CACNA2D1: variants seen among roughly 807,000 people sequenced by gnomAD.
The protein encoded by CACNA2D1 is voltage-dependent calcium channel subunit alpha-2/delta-1.
Under a neutral mutation model 171.5 loss-of-function variants are expected in CACNA2D1, and 53 were observed. The observed-to-expected ratio is 0.31, with a 90% CI of 0.25 to 0.39. The LOEUF is 0.39. CACNA2D1 is among the 10% of genes least tolerant of loss of function. CACNA2D1 has a pLI of 1.00. For missense variants in CACNA2D1, 903 were observed against 1,299.8 expected, an observed-to-expected ratio of 0.69 and a Z score of 4.69; for synonymous variants, 442 against 443.1, an observed-to-expected ratio of 1.00 and a Z score of 0.03.
At chr7:82,322,147 A>AAAAAAC (rs1816036919) in intron 3 of CACNA2D1, among the ~76,000 whole-genome samples, 1 of 149,634 alleles carries the variant, frequency 6.7e-6, no homozygotes, top group African/African-American at 2.4e-5. Flanking sequence ...AAAAAAAAAA[A>AAAAAAC]AAAAAAACAA....
chr7:82,376,550 G>A (rs563433315), intron 1 of CACNA2D1, among the ~76,000 whole-genome samples: 2 of 152,294 alleles, frequency 1.3e-5, no homozygotes, highest in South Asian at 4.1e-4. Context: ...GGTCAGCAAT[G>A]ATTAAACTCT....
At chr7:82,101,342 A>G (rs952099334) in intron 6 of CACNA2D1, among the ~76,000 whole-genome samples, 4 of 152,118 alleles carry the variant, frequency 2.6e-5, no homozygotes, top group Non-Finnish European at 1.5e-5. Context: ...TGGCATGGCC[A>G]AAGTCTTGGG....
intron 1 of CACNA2D1, among the ~76,000 whole-genome samples, chr7:82,413,921 G>A (rs1306795816): frequency 6.6e-6 from 1 of 152,022 alleles, no homozygotes; most frequent in East Asian, 1.9e-4. Flanking sequence ...ATACTATCCT[G>A]AATAAAAGTT....
intron 1 of CACNA2D1, among the ~76,000 whole-genome samples, chr7:82,364,775 T>C (rs1156915978): frequency 6.6e-6 from 1 of 152,200 alleles, no homozygotes; most frequent in Admixed American, 6.5e-5. Flanking sequence ...AGGTTTCTAA[T>C]TGCCATCCCA....
chr7:82,184,336 C>A (rs1325302552), intron 3 of CACNA2D1, among the ~76,000 whole-genome samples: 1 of 151,844 alleles, frequency 6.6e-6, no homozygotes, highest in Non-Finnish European at 1.5e-5. Flanking sequence ...TATAAATTTA[C>A]TTGGTTTCTT....
At chr7:82,193,880 C>T (rs1397097742) in intron 3 of CACNA2D1, among the ~76,000 whole-genome samples, 1 of 151,922 alleles carries the variant, frequency 6.6e-6, no homozygotes, top group Non-Finnish European at 1.5e-5. Flanking sequence ...CAAATAATGG[C>T]TTTCAAAACA....
chr7:82,237,302 G>C (rs1803705535), intron 3 of CACNA2D1, among the ~76,000 whole-genome samples: 1 of 151,830 alleles, frequency 6.6e-6, no homozygotes, highest in Non-Finnish European at 1.5e-5. Flanking sequence ...GAAATAAAAA[G>C]ACAGTCTAAT....
intron 3 of CACNA2D1, among the ~76,000 whole-genome samples, chr7:82,317,078 G>A (rs757630544): frequency 2.0e-5 from 3 of 152,134 alleles, no homozygotes; most frequent in Admixed American, 1.3e-4. Flanking sequence ...TCTTTCACTG[G>A]TTAATGTTAG....
At chr7:82,438,448 G>A (rs1011942211) in intron 1 of CACNA2D1, among the ~76,000 whole-genome samples, 5 of 152,136 alleles carry the variant, frequency 3.3e-5, no homozygotes, top group African/African-American at 7.2e-5. Context: ...CAAGGAAAAG[G>A]TAGTAACATA....
intron 3 of CACNA2D1, among the ~76,000 whole-genome samples, chr7:82,231,125 T>C (rs1252647218): frequency 6.6e-6 from 1 of 152,230 alleles, no homozygotes; most frequent in African/African-American, 2.4e-5. Context: ...CTTTTGTTGT[T>C]TGTGCTTCAG....
intron 6 of CACNA2D1, among the ~76,000 whole-genome samples, chr7:82,100,963 T>C (rs1177905234): frequency 1.3e-5 from 2 of 152,114 alleles, no homozygotes; most frequent in Admixed American, 1.3e-4. Context: ...TGAAATATAA[T>C]GGAATTAGAA....
chr7:82,020,934 T>C (rs975483512), intron 12 of CACNA2D1: 5 of 152,172 alleles, frequency 3.3e-5, no homozygotes, highest in Admixed American at 2.0e-4. Flanking sequence ...GCAGTAGTCA[T>C]GTAAGTTTTG....
At chr7:82,204,252 G>A (rs982430034) in intron 3 of CACNA2D1, among the ~76,000 whole-genome samples, 13 of 152,178 alleles carry the variant, frequency 8.5e-5, no homozygotes, top group Admixed American at 4.6e-4. Context: ...CACCAAGGAG[G>A]TGACAACTAT....
intron 3 of CACNA2D1, among the ~76,000 whole-genome samples, chr7:82,284,695 G>A (rs2129382388): frequency 6.6e-6 from 1 of 152,208 alleles, no homozygotes; most frequent in Non-Finnish European, 1.5e-5. Context: ...TGGCATCCAG[G>A]AGAGCAGAGC....
At chr7:82,173,456 AATC>A (rs566989445) in intron 3 of CACNA2D1, among the ~76,000 whole-genome samples, 195 of 152,206 alleles carry the variant, frequency 1.3e-3, no homozygotes, top group African/African-American at 4.4e-3. Flanking sequence ...AGAAATATAT[AATC>A]ATGAAAACTC....
chr7:82,162,987 G>A (rs1360227006), intron 4 of CACNA2D1, among the ~76,000 whole-genome samples: 2 of 151,834 alleles, frequency 1.3e-5, no homozygotes, highest in Non-Finnish European at 2.9e-5. Context: ...AGGCCTTCGA[G>A]TCCTGGAACA....
chr7:81,959,600 CT>C, intron 37 of CACNA2D1, 119 bp downstream of exon 37: 1 of 1,123,878 alleles, frequency 8.9e-7, no homozygotes, highest in South Asian at 1.3e-5. Context: ...TCGATTCTGC[CT>C]TTGCGAGGTG....
At chr7:82,437,478 A>T (rs961166959) in intron 1 of CACNA2D1, among the ~76,000 whole-genome samples, 1 of 152,134 alleles carries the variant, frequency 6.6e-6, no homozygotes, top group Non-Finnish European at 1.5e-5. Context: ...ATGTATCCTA[A>T]TTTTTTAAAT....
intron 2 of CACNA2D1, among the ~76,000 whole-genome samples, chr7:82,336,603 C>G (rs781451823): frequency 2.6e-5 from 4 of 152,118 alleles, no homozygotes; most frequent in Non-Finnish European, 5.9e-5. Flanking sequence ...CTGCATTTTA[C>G]TGGATTGCTT....
Sources: gnomAD v4.1 joint callset for allele counts (sites outside exome capture counted in the v4.1 genomes callset) on GRCh38, gnomAD v4.1.1 for gene constraint, MANE v1.5 for transcripts, NCBI Gene and HGNC (gene_info 2026-07-23, HGNC 2026-07-21) for gene names.